NPAS3: variants seen among roughly 807,000 people sequenced by gnomAD.
NPAS3 encodes the protein neuronal PAS domain-containing protein 3.
In NPAS3, 14 loss-of-function variants were observed where a neutral mutation model predicts 73.1. That is an observed-to-expected ratio of 0.19 (90% CI 0.13 to 0.30). The LOEUF (loss-of-function observed/expected upper bound fraction) is 0.30. Ranked by LOEUF, NPAS3 falls within the 10% of genes least tolerant of loss-of-function variation. The probability of loss-of-function intolerance (pLI) is 1.00; values close to 1 mark genes in which losing one functional copy is unlikely to be tolerated. For missense variants in NPAS3, 1,096 were observed against 1,250.0 expected, an observed-to-expected ratio of 0.88 and a Z score of 1.86; for synonymous variants, 620 against 541.5, an observed-to-expected ratio of 1.14 and a Z score of -2.01.
rs1479024527 is a variant in NPAS3 at position 32,957,975 on chromosome 14, C to CTG, written c.50+18610_50+18611insGT. ...TTGCAGTTACATTCACTGTCCACCG[C>CTG]TCCAACTCAGTACAGAAAAGCTCCA... On this transcript the variant is annotated intron_variant, in intron 1 of 11. Transcript: ENST00000356141. Among the ~76,000 whole-genome samples the CTG allele has an allele frequency of 1.3e-3, 195 of 152,252 alleles. 1 individual carries two copies. Among genetic ancestry groups the CTG allele is most frequent in the African/African-American group, 4.3e-3 (178 of 41,564 alleles).
chr14:33,078,181 AAAAG>A (rs1160041628), intron 2 of NPAS3, among the ~76,000 whole-genome samples: 1 of 152,136 alleles, frequency 6.6e-6, no homozygotes, highest in East Asian at 1.9e-4. Context: ...AAAAAAAAGA[AAAAG>A]AAAATACATA....
At chr14:32,999,307 T>A (rs747356780) in intron 1 of NPAS3, among the ~76,000 whole-genome samples, 3 of 152,072 alleles carry the variant, frequency 2.0e-5, no homozygotes, top group Non-Finnish European at 4.4e-5. Context: ...GTCAGGAGAT[T>A]GAGACCATCC....
intron 4 of NPAS3, among the ~76,000 whole-genome samples, chr14:33,378,707 A>G (rs533720723): frequency 3.3e-5 from 5 of 152,316 alleles, no homozygotes; most frequent in African/African-American, 1.2e-4. Flanking sequence ...TCACTTCTCA[A>G]TGACTCACGC....
chr14:33,028,806 C>T (rs1235062413), intron 1 of NPAS3, among the ~76,000 whole-genome samples: 1 of 152,058 alleles, frequency 6.6e-6, no homozygotes, highest in African/African-American at 2.4e-5. Context: ...TACATACATA[C>T]ATATATGTAT....
chr14:33,640,206 AT>A (rs1007253303), intron 5 of NPAS3, among the ~76,000 whole-genome samples: 2 of 150,872 alleles, frequency 1.3e-5, no homozygotes, highest in African/African-American at 2.5e-5. Context: ...AAAAAAAAAA[AT>A]TATCTGTATA....
intron 5 of NPAS3, among the ~76,000 whole-genome samples, chr14:33,598,963 C>T (rs146714226): frequency 2.6e-5 from 4 of 152,308 alleles, no homozygotes; most frequent in African/African-American, 9.6e-5. Context: ...CAATTTCATT[C>T]AGTTATTTCT....
chr14:32,996,165 G>A (rs1443349546), intron 1 of NPAS3, among the ~76,000 whole-genome samples: 1 of 152,176 alleles, frequency 6.6e-6, no homozygotes. Context: ...CTGCCCTAGA[G>A]GTTTGTAATT....
chr14:33,416,631 A>C (rs2048159668), intron 4 of NPAS3, among the ~76,000 whole-genome samples: 1 of 152,050 alleles, frequency 6.6e-6, no homozygotes, highest in African/African-American at 2.4e-5. Context: ...TTCTTCAAAA[A>C]TTCAAGGGAA....
chr14:33,677,580 G>A (rs923390511), intron 6 of NPAS3, among the ~76,000 whole-genome samples: 7 of 151,012 alleles, frequency 4.6e-5, no homozygotes, highest in African/African-American at 1.7e-4. Context: ...AATTTGGCCT[G>A]CCTAGAAGTA....
chr14:33,604,025 AAG>A (rs1202096304), intron 5 of NPAS3, among the ~76,000 whole-genome samples: 3 of 152,110 alleles, frequency 2.0e-5, no homozygotes, highest in African/African-American at 7.2e-5. Flanking sequence ...AAAAAAAACA[AAG>A]AGTTATAGCT....
At position 33,800,847 on chromosome 14, in the gene NPAS3, A is replaced by G. The variant is rs1444363425; in HGVS notation, c.2540A>G (p.Asn847Ser). 2 of 1,604,774 alleles carry G rather than the reference A, an allele frequency of 1.2e-6. No homozygotes were observed. The highest frequency in any genetic ancestry group is 1.1e-5 in the South Asian group (1 of 88,944). ...GCCATGCAGAGCAACCTGCTGCCCA[A>G]CGCGCACGCTGTTAACTTCGTGGAC... The change falls in exon 12 of 12, where the codon AAC becomes AGC. Residue 847 changes from asparagine to serine, a missense_variant. Asn to Ser is a conservative substitution (Grantham distance 46). This residue lies in a region of NPAS3 where 698 missense variants were observed against 676.7 expected (regional missense o/e 1.03). Transcript: ENST00000356141. The surrounding 1 kb of genome is among the most constrained non-coding windows in gnomAD (Gnocchi z 6.5).
intron 2 of NPAS3, among the ~76,000 whole-genome samples, chr14:33,206,151 A>C (rs1161553020): frequency 6.6e-6 from 1 of 152,202 alleles, no homozygotes. Context: ...TCAGTGACTT[A>C]ATTGTCATAT....
intron 5 of NPAS3, among the ~76,000 whole-genome samples, chr14:33,595,830 C>G (rs2057225000): frequency 6.6e-6 from 1 of 152,160 alleles, no homozygotes; most frequent in Non-Finnish European, 1.5e-5. Flanking sequence ...GCCACCACGC[C>G]TGGCTGATTT....
At chr14:33,667,732 A>G (rs2059494119) in intron 5 of NPAS3, among the ~76,000 whole-genome samples, 1 of 152,248 alleles carries the variant, frequency 6.6e-6, no homozygotes, top group Admixed American at 6.5e-5. Flanking sequence ...ATTATACACC[A>G]TGGCCATGGT....
At chr14:33,550,460 G>C (rs114517902) in intron 4 of NPAS3, among the ~76,000 whole-genome samples, 1 of 152,338 alleles carries the variant, frequency 6.6e-6, no homozygotes, top group African/African-American at 2.4e-5. Flanking sequence ...AAGCAAGTAT[G>C]TTAGCAAACC....
intron 1 of NPAS3, among the ~76,000 whole-genome samples, chr14:33,042,876 A>G (rs1206304023): frequency 6.6e-6 from 1 of 152,186 alleles, no homozygotes; most frequent in Non-Finnish European, 1.5e-5. Context: ...ACAAACTTTT[A>G]TAGAGAGCCA....
chr14:33,362,910 C>G (rs1201899697), intron 3 of NPAS3, among the ~76,000 whole-genome samples: 3 of 152,072 alleles, frequency 2.0e-5, no homozygotes, highest in South Asian at 2.1e-4. Flanking sequence ...TTCAGAATAC[C>G]TTCTTCAAGT....
intron 6 of NPAS3, among the ~76,000 whole-genome samples, chr14:33,711,281 T>C (rs1051939550): frequency 2.0e-5 from 3 of 152,246 alleles, no homozygotes; most frequent in Non-Finnish European, 2.9e-5. Flanking sequence ...GCATGCAGTA[T>C]GCCTCTTTCA....
chr14:33,314,742 C>G (rs1397853771), intron 3 of NPAS3, among the ~76,000 whole-genome samples: 1 of 152,070 alleles, frequency 6.6e-6, no homozygotes, highest in Non-Finnish European at 1.5e-5. Flanking sequence ...AGGGAACCTT[C>G]TACCTTTACT....
Sources: gnomAD v4.1 joint callset for allele counts (sites outside exome capture counted in the v4.1 genomes callset) on GRCh38, gnomAD v4.1.1 for gene constraint, gnomAD v4.1.1 regional missense constraint, Gnocchi (gnomAD v3.1) non-coding constraint, MANE v1.5 for transcripts, NCBI Gene and HGNC (gene_info 2026-07-23, HGNC 2026-07-21) for gene names.